PTPRK: variants seen among roughly 807,000 people sequenced by gnomAD.
The protein encoded by PTPRK is receptor-type tyrosine-protein phosphatase kappa.
PTPRK carries 75 observed loss-of-function variants against 178.0 expected under a neutral mutation model. The ratio of observed to expected loss-of-function variants is 0.42; its 90% CI spans 0.35 to 0.51. The LOEUF (loss-of-function observed/expected upper bound fraction) is 0.51. Ranked by LOEUF, PTPRK falls within the 20% of genes least tolerant of loss-of-function variation. The probability of loss-of-function intolerance (pLI) is 0.02; values close to 1 mark genes in which losing one functional copy is unlikely to be tolerated. For missense variants in PTPRK, 1,441 were observed against 1,797.8 expected, an observed-to-expected ratio of 0.80 and a Z score of 3.59; for synonymous variants, 637 against 620.6, an observed-to-expected ratio of 1.03 and a Z score of -0.39.
chr6:128,490,632 T>C (rs560076957), intron 1 of PTPRK, among the ~76,000 whole-genome samples: 17 of 152,360 alleles, frequency 1.1e-4, no homozygotes, highest in African/African-American at 3.4e-4. Flanking sequence ...TCTAGCCATG[T>C]GACCTTGGGG....
intron 21 of PTPRK, among the ~76,000 whole-genome samples, chr6:127,989,636 A>G (rs1776371283): frequency 6.6e-6 from 1 of 152,112 alleles, no homozygotes. Flanking sequence ...GAAGGTTTGT[A>G]GCGATTTAAC....
At chr6:128,440,767 AT>A (rs1167620622) in intron 1 of PTPRK, among the ~76,000 whole-genome samples, 1 of 152,050 alleles carries the variant, frequency 6.6e-6, no homozygotes, top group African/African-American at 2.4e-5. Context: ...CATTATTTTA[AT>A]TTTTTTAACA....
chr6:128,290,391 T>C (rs1823191427), intron 3 of PTPRK, among the ~76,000 whole-genome samples: 1 of 152,102 alleles, frequency 6.6e-6, no homozygotes, highest in Admixed American at 6.6e-5. Flanking sequence ...TAGCACTGGT[T>C]CTCAAACTGT....
intron 5 of PTPRK, among the ~76,000 whole-genome samples, chr6:128,226,578 T>C (rs1811329818): frequency 1.3e-5 from 2 of 152,016 alleles, no homozygotes; most frequent in African/African-American, 4.8e-5. Context: ...GAAGAAATTC[T>C]ACCAGTGAAC....
At chr6:128,345,662 A>G (rs1474891077) in intron 2 of PTPRK, among the ~76,000 whole-genome samples, 1 of 152,200 alleles carries the variant, frequency 6.6e-6, no homozygotes, top group Non-Finnish European at 1.5e-5. Context: ...TTCTCCTCCA[A>G]TGCAGTCCAG....
In PTPRK at chr6:128,316,060, A is replaced by G. The variant is rs971503649; in HGVS notation, c.495+5979T>C. 2.6e-5 allele frequency among the ~76,000 whole-genome samples: 4 copies of G among 152,362 alleles called. No homozygotes were observed. The East Asian group carries it at 7.7e-4, about 29-fold the overall frequency. On this transcript the variant is annotated intron_variant, in intron 3 of 29. Transcript: ENST00000368226. ...AATTGTTATCTATTTGTCATGTATT[A>G]TATGAAACAGTATAGCATTGTCAGA...
intron 1 of PTPRK, among the ~76,000 whole-genome samples, chr6:128,513,295 G>A (rs1366051464): frequency 6.6e-6 from 1 of 151,734 alleles, no homozygotes; most frequent in Non-Finnish European, 1.5e-5. Context: ...GACCAGCCTG[G>A]GCAACATGGT....
intron 2 of PTPRK, among the ~76,000 whole-genome samples, chr6:128,390,961 T>A (rs762654988): frequency 1.3e-5 from 2 of 152,146 alleles, no homozygotes; most frequent in Non-Finnish European, 2.9e-5. Context: ...TGGAGCCATA[T>A]GTCTCTACGT....
At chr6:128,183,928 T>A (rs1297310551) in intron 7 of PTPRK, among the ~76,000 whole-genome samples, 1 of 152,236 alleles carries the variant, frequency 6.6e-6, no homozygotes, top group Admixed American at 6.6e-5. Context: ...GTCAAGCTCC[T>A]GAGGTAATCC....
intron 2 of PTPRK, among the ~76,000 whole-genome samples, chr6:128,396,366 T>C (rs868694801): frequency 1.3e-5 from 2 of 148,722 alleles, no homozygotes; most frequent in Non-Finnish European, 3.0e-5. Flanking sequence ...CTATATATAA[T>C]ATATAATTAT....
chr6:128,005,159 C>T lies in PTPRK; in HGVS notation c.2419G>A (p.Ala807Thr). 1 of 1,611,692 alleles carries T rather than the reference C, an allele frequency of 6.2e-7. No individual in the cohort carries two copies. Among genetic ancestry groups the T allele is most frequent in the African/African-American group, 1.3e-5 (1 of 74,842 alleles). ...HMVNAMDRSYADQSTLHAEDP... is the reference protein window; with the variant it reads ...HMVNAMDRSYTDQSTLHAEDP... ...TCTGCATGCAGAGTGCTCTGATCAG[C>T]ATAACTTCGATCCATTGCATTCACC... The change falls in exon 15 of 30, where the codon GCT becomes ACT. Residue 807 changes from alanine to threonine, a missense_variant. Transcript: ENST00000368226.
At chr6:128,504,304 A>T (rs1367798886) in intron 1 of PTPRK, among the ~76,000 whole-genome samples, 1 of 152,178 alleles carries the variant, frequency 6.6e-6, no homozygotes, top group Non-Finnish European at 1.5e-5. Context: ...AAAACTCTTA[A>T]TAAAATTATA....
chr6:128,427,687 T>C (rs1844322268), intron 1 of PTPRK, among the ~76,000 whole-genome samples: 1 of 152,216 alleles, frequency 6.6e-6, no homozygotes, highest in Non-Finnish European at 1.5e-5. Context: ...TCGTCTTCAA[T>C]TCCTGGATGA....
At chr6:128,206,180 A>G (rs1488717705) in intron 6 of PTPRK, among the ~76,000 whole-genome samples, 3 of 152,026 alleles carry the variant, frequency 2.0e-5, no homozygotes, top group African/African-American at 7.2e-5. Context: ...TAATCAAATC[A>G]ATGAATATAT....
intron 7 of PTPRK, among the ~76,000 whole-genome samples, chr6:128,101,395 G>C (rs887416785): frequency 2.0e-5 from 3 of 151,988 alleles, no homozygotes; most frequent in Non-Finnish European, 2.9e-5. Flanking sequence ...TTAGTTTCCA[G>C]ACTAAAACCT....
At chr6:128,190,967 T>C (rs532804059) in intron 6 of PTPRK, among the ~76,000 whole-genome samples, 68 of 152,288 alleles carry the variant, frequency 4.5e-4, no homozygotes, top group African/African-American at 1.6e-3. Context: ...CTACCATCTC[T>C]ATGAAAATTC....
At chr6:128,129,966 G>A (rs1793963695) in intron 7 of PTPRK, among the ~76,000 whole-genome samples, 1 of 152,112 alleles carries the variant, frequency 6.6e-6, no homozygotes, top group Non-Finnish European at 1.5e-5. Context: ...AGTGTCATCA[G>A]ATAATGTCAC....
chr6:128,233,127 C>T (rs748445695), intron 5 of PTPRK, among the ~76,000 whole-genome samples: 150 of 152,192 alleles, frequency 9.9e-4, no homozygotes, highest in Admixed American at 3.3e-3. Context: ...AAATCTCTTG[C>T]AGAAATTAAA....
At position 127,981,157 on chromosome 6, in the gene PTPRK, C is replaced by G. The variant is rs755259082; in HGVS notation, c.3670G>C (p.Asp1224His). The G allele has an allele frequency of 6.2e-7, 1 of 1,614,006 alleles. No individual in the cohort carries two copies. Among genetic ancestry groups the G allele is most frequent in the Non-Finnish European group, 8.5e-7 (1 of 1,179,992 alleles). ...TTGATGTAGTTACTGCTCTCCCCATCAATTGTAATTAAAAAAGGCAGACAT... is the reference window on the plus strand; with the variant it reads ...TTGATGTAGTTACTGCTCTCCCCATGAATTGTAATTAAAAAAGGCAGACAT... Reference protein sequence around the residue: ...DRCLPFLITIDGESSNYINAA... With the variant: ...DRCLPFLITIHGESSNYINAA... The change falls in exon 25 of 30, where the codon GAT (aspartate) becomes CAT (histidine). Residue 1224 changes from aspartate (D) to histidine (H), a missense_variant. Physicochemically the swap from Asp to His is moderately conservative, Grantham distance 81. This residue lies in a region of PTPRK where 335 missense variants were observed against 512.4 expected (regional missense o/e 0.65). Coordinates refer to ENST00000368226, the MANE Select transcript of PTPRK (RefSeq NM_002844.4).
Sources: gnomAD v4.1 joint callset for allele counts (sites outside exome capture counted in the v4.1 genomes callset) on GRCh38, gnomAD v4.1.1 for gene constraint, gnomAD v4.1.1 regional missense constraint, MANE v1.5 for transcripts, NCBI Gene and HGNC (gene_info 2026-07-23, HGNC 2026-07-21) for gene names.